The following TBC1D19 variants were observed in gnomAD, a reference collection of about 807,000 sequenced individuals.
TBC1D19 encodes the protein TBC1 domain family member 19.
TBC1D19 carries 60 observed loss-of-function variants against 89.0 expected under a neutral mutation model. The ratio of observed to expected loss-of-function variants is 0.67; its 90% CI spans 0.55 to 0.84. The LOEUF (loss-of-function observed/expected upper bound fraction) is 0.84, where lower values mean the gene tolerates loss of function less well. Among genes scored for constraint, TBC1D19 ranks in the 40% least tolerant of loss-of-function variants. The pLI is 0.00. For missense variants in TBC1D19, 500 were observed against 610.8 expected (o/e 0.82, Z 1.91); for synonymous variants, 189 against 199.7 (o/e 0.95, Z 0.45).
intron 1 of TBC1D19, among the ~76,000 whole-genome samples, chr4:26,590,809 T>TGTG (rs1368738455): frequency 3.9e-5 from 2 of 51,224 alleles, no homozygotes; most frequent in African/African-American, 1.0e-4. Flanking sequence ...TTTTTTTTTT[T>TGTG]TTTTTTTTTT....
chr4:26,625,133 T>G (rs1164361927), intron 4 of TBC1D19, among the ~76,000 whole-genome samples: 1 of 152,106 alleles, frequency 6.6e-6, no homozygotes, highest in East Asian at 1.9e-4. Context: ...TCTTCAGAGT[T>G]GGGTTATAAA....
the TBC1D19 span, among the ~76,000 whole-genome samples, chr4:26,840,376 C>T: frequency 6.6e-6 from 1 of 152,170 alleles, no homozygotes; most frequent in Non-Finnish European, 1.5e-5. Flanking sequence ...GCCACTGCAC[C>T]CAGCCTCTAA....
At chr4:26,742,415 A>T in intron 17 of TBC1D19, 93 bp from the exon 18 acceptor site, 3 of 1,032,596 alleles carry the variant, frequency 2.9e-6, no homozygotes, top group Non-Finnish European at 4.2e-6. Flanking sequence ...TTATGTTGAT[A>T]GTTTCTCATT....
At chr4:26,854,072 T>C in the TBC1D19 span, among the ~76,000 whole-genome samples, 3 of 152,210 alleles carry the variant, frequency 2.0e-5, no homozygotes, top group African/African-American at 2.4e-5. Flanking sequence ...GATTTTACCA[T>C]CTCCTGGCAG....
At chr4:26,648,595 A>G (rs1560443798) in intron 7 of TBC1D19, among the ~76,000 whole-genome samples, 1 of 152,236 alleles carries the variant, frequency 6.6e-6, no homozygotes, top group Non-Finnish European at 1.5e-5. Flanking sequence ...GAATAAATGA[A>G]TCAATGAATG....
the TBC1D19 span, among the ~76,000 whole-genome samples, chr4:26,812,567 T>C: frequency 1.3e-5 from 2 of 152,150 alleles, no homozygotes; most frequent in African/African-American, 4.8e-5. The surrounding 1 kb of genome is among the most constrained non-coding windows in gnomAD (Gnocchi z 4.2). Context: ...AAAAGGAGTG[T>C]GCAACTCTGC....
At chr4:26,625,996 A>G (rs932407763) in intron 4 of TBC1D19, among the ~76,000 whole-genome samples, 2 of 152,142 alleles carry the variant, frequency 1.3e-5, no homozygotes, top group East Asian at 3.8e-4. Flanking sequence ...TAAGGAGTTG[A>G]GAATTATGTT....
intron 4 of TBC1D19, among the ~76,000 whole-genome samples, chr4:26,628,810 A>G: frequency 6.6e-6 from 1 of 151,968 alleles, no homozygotes; most frequent in East Asian, 1.9e-4. Context: ...AAGGGATGTG[A>G]AGGACCTCTT....
chr4:26,632,400 T>C (rs1287713263), intron 4 of TBC1D19, among the ~76,000 whole-genome samples: 1 of 151,424 alleles, frequency 6.6e-6, no homozygotes, highest in South Asian at 2.1e-4. Context: ...TAATAAGGAA[T>C]ACTAGAGAAA....
At chr4:26,765,952 C>T in the TBC1D19 span, among the ~76,000 whole-genome samples, 2 of 152,080 alleles carry the variant, frequency 1.3e-5, no homozygotes, top group South Asian at 4.1e-4. Flanking sequence ...GCAACAAATT[C>T]TTTTCGATAC....
At chr4:26,774,316 G>A in the TBC1D19 span, among the ~76,000 whole-genome samples, 1 of 152,356 alleles carries the variant, frequency 6.6e-6, no homozygotes, top group Admixed American at 6.5e-5. Flanking sequence ...ATTCCTGGCA[G>A]ATCAGCACTC....
intron 8 of TBC1D19, among the ~76,000 whole-genome samples, chr4:26,661,166 G>T (rs898747915): frequency 2.6e-5 from 4 of 152,122 alleles, no homozygotes; most frequent in Non-Finnish European, 4.4e-5. Flanking sequence ...GACCAGAGGT[G>T]TATTCACTAG....
At chr4:26,711,500 C>T (rs1042470922) in intron 13 of TBC1D19, among the ~76,000 whole-genome samples, 6 of 151,948 alleles carry the variant, frequency 3.9e-5, no homozygotes, top group Non-Finnish European at 8.8e-5. Flanking sequence ...TTCTCAGAAA[C>T]ATTTACCATA....
At chr4:26,810,471 G>A in the TBC1D19 span, among the ~76,000 whole-genome samples, 1 of 152,116 alleles carries the variant, frequency 6.6e-6, no homozygotes, top group African/African-American at 2.4e-5. Context: ...GTATGATCAG[G>A]CCTCTTCTCC....
chr4:26,621,115 A>G (rs555419653), intron 4 of TBC1D19, among the ~76,000 whole-genome samples: 1 of 152,348 alleles, frequency 6.6e-6, no homozygotes, highest in East Asian at 1.9e-4. Flanking sequence ...GCTGTCACCT[A>G]TTAATTGTAT....
chr4:26,798,587 C>G, the TBC1D19 span, among the ~76,000 whole-genome samples: 1 of 152,006 alleles, frequency 6.6e-6, no homozygotes, highest in Non-Finnish European at 1.5e-5. Context: ...ATAAAAAAGT[C>G]ACCCGCATTC....
the TBC1D19 span, among the ~76,000 whole-genome samples, chr4:26,774,903 A>G: frequency 1.3e-5 from 2 of 152,238 alleles, no homozygotes; most frequent in African/African-American, 4.8e-5. Flanking sequence ...TTCTGTCTCC[A>G]TTACATATGA....
chr4:26,773,258 G>A, the TBC1D19 span, among the ~76,000 whole-genome samples: 1 of 152,168 alleles, frequency 6.6e-6, no homozygotes, highest in Non-Finnish European at 1.5e-5. Flanking sequence ...CCACATGTAT[G>A]TCTTCTTTTG....
intron 7 of TBC1D19, among the ~76,000 whole-genome samples, chr4:26,654,563 T>G (rs1744655194): frequency 6.6e-6 from 1 of 152,154 alleles, no homozygotes; most frequent in Non-Finnish European, 1.5e-5. Context: ...CTTGGAGGCT[T>G]TGTTGACATT....
Sources: gnomAD v4.1 joint callset for allele counts (sites outside exome capture counted in the v4.1 genomes callset) on GRCh38, gnomAD v4.1.1 for gene constraint, Gnocchi (gnomAD v3.1) non-coding constraint, MANE v1.5 for transcripts, NCBI Gene and HGNC (gene_info 2026-07-23, HGNC 2026-07-21) for gene names.